Variants in RDH12 observed in about 807,000 individuals in gnomAD.
The protein encoded by RDH12 is all-trans and 9-cis retinol dehydrogenase.
RDH12 carries 21 observed loss-of-function variants against 34.0 expected under a neutral mutation model. The ratio of observed to expected loss-of-function variants is 0.62; its 90% CI spans 0.44 to 0.89. RDH12 has a LOEUF of 0.89. Ranked by LOEUF, RDH12 falls within the 40% of genes least tolerant of loss-of-function variation. The pLI is 0.00. For missense variants in RDH12, 394 were observed against 398.6 expected, an observed-to-expected ratio of 0.99 and a Z score of 0.10; for synonymous variants, 198 against 169.9, an observed-to-expected ratio of 1.17 and a Z score of -1.29.
intron 1 of RDH12, among the ~76,000 whole-genome samples, chr14:67,705,054 A>T (rs992398553): frequency 1.3e-5 from 2 of 152,228 alleles, no homozygotes; most frequent in Non-Finnish European, 2.9e-5. Flanking sequence ...AAGGCTGTTG[A>T]GGCAGAAATA....
chr14:67,733,434 T>C (rs2038311532), intron 8 of RDH12, among the ~76,000 whole-genome samples: 1 of 152,220 alleles, frequency 6.6e-6, no homozygotes, highest in Non-Finnish European at 1.5e-5. Flanking sequence ...TTATAAATAT[T>C]TTTATATCAC....
chr14:67,716,169 C>T (rs952058157), intron 1 of RDH12, among the ~76,000 whole-genome samples: 5 of 151,040 alleles, frequency 3.3e-5, no homozygotes, highest in African/African-American at 7.3e-5. Context: ...TGCACTCCAG[C>T]CTGGACGACA....
intron 3 of RDH12, among the ~76,000 whole-genome samples, chr14:67,724,122 G>C (rs1234317290): frequency 6.6e-6 from 1 of 152,208 alleles, no homozygotes. Context: ...TTGAATGTAG[G>C]TTAGAGGGGA....
At chr14:67,718,573 C>A (rs550172989) in intron 1 of RDH12, among the ~76,000 whole-genome samples, 1 of 152,200 alleles carries the variant, frequency 6.6e-6, no homozygotes, top group Non-Finnish European at 1.5e-5. Context: ...GATTCACTCA[C>A]GGTGAGGCTA....
At chr14:67,704,611 A>G (rs2037932723) in intron 1 of RDH12, among the ~76,000 whole-genome samples, 2 of 152,180 alleles carry the variant, frequency 1.3e-5, no homozygotes, top group South Asian at 2.1e-4. Context: ...TGCACTTCCC[A>G]TTTTAGCTTT....
intron 1 of RDH12, among the ~76,000 whole-genome samples, chr14:67,708,334 T>G (rs761636304): frequency 2.6e-5 from 4 of 152,202 alleles, no homozygotes; most frequent in Non-Finnish European, 5.9e-5. Flanking sequence ...TCGTGAACAC[T>G]TCAGCTCTCC....
Position 67,725,260 on chromosome 14 carries a change from G to A in RDH12, c.343+6G>A, listed in dbSNP as rs776478063. 6.2e-7 allele frequency: 1 copy of A among 1,612,740 alleles called. No homozygotes were observed. The highest frequency in any genetic ancestry group is 1.1e-5 in the South Asian group (1 of 91,004). The stretch of plus-strand genomic sequence containing the variant: ...TGCTGAGGGCTTTCTGGCAGGTGAG[G>A]TCCTGATGGGTAGGTAGAAAAGCAG... On this transcript the variant is annotated splice_donor_region_variant and intron_variant, in intron 5 of 8. Coordinates refer to ENST00000551171, the MANE Select transcript of RDH12 (RefSeq NM_152443.3).
intron 8 of RDH12, among the ~76,000 whole-genome samples, chr14:67,733,382 G>A (rs1435760999): frequency 1.3e-5 from 2 of 152,078 alleles, no homozygotes; most frequent in Non-Finnish European, 2.9e-5. Context: ...GCACTGAACT[G>A]TAGTAGTAGT....
rs373032226 is a variant in RDH12 at position 67,727,062 on chromosome 14, C to T, written c.530C>T (p.Ala177Val). 2.5e-5 allele frequency: 41 copies of T among 1,614,082 alleles called. No individual in the cohort carries two copies. The East Asian group carries it at 5.8e-4, about 23-fold the overall frequency. ...CGGGTGGTTAATGTGTCCTCGGTGG[C>T]TCACCACATTGGCAAGATTCCCTTC... ...PARVVNVSSV[A>V]HHIGKIPFHD... The change falls in exon 7 of 9, where the codon GCT (alanine) becomes GTT (valine). Residue 177 changes from alanine to valine, a missense_variant. By Grantham distance (64) the Ala-to-Val change is moderately conservative. Coordinates refer to ENST00000551171, the MANE Select transcript of RDH12 (RefSeq NM_152443.3).
intron 4 of RDH12, 72 bp downstream of exon 4, chr14:67,724,663 A>G: frequency 8.6e-7 from 1 of 1,167,716 alleles, no homozygotes; most frequent in Non-Finnish European, 1.3e-6. Flanking sequence ...CTCTGTCCAT[A>G]TTGCTTTGTG....
At position 67,725,991 on chromosome 14, in the gene RDH12, G is replaced by A. The variant is rs560112674; in HGVS notation, c.344-60G>A. On this transcript the variant is annotated intron_variant, in intron 5 of 8. Coordinates refer to ENST00000551171, the MANE Select transcript of RDH12 (RefSeq NM_152443.3). ...AGGGAAAGGGCAATTATGCAGGTCT[G>A]TTACAGGCAGCTAGGGGACTCCTTG... is the stretch of plus-strand genomic sequence containing the variant. The A allele has an allele frequency of 7.4e-5, 85 of 1,146,556 alleles. 3 individuals carry two copies. The South Asian group carries it at 9.9e-4, about 13-fold the overall frequency. 71.0% of individuals were successfully genotyped at this position (1,146,556 alleles called of 1,614,324 possible).
intron 8 of RDH12, 116 bp downstream of exon 8, chr14:67,729,496 G>C: frequency 9.9e-7 from 1 of 1,008,394 alleles, no homozygotes; most frequent in Non-Finnish European, 1.5e-6. Context: ...TCCAGGTTTG[G>C]GTTGGGCCTG....
chr14:67,708,717 T>G (rs1053552019), intron 1 of RDH12, among the ~76,000 whole-genome samples: 18 of 152,048 alleles, frequency 1.2e-4, no homozygotes, highest in Admixed American at 6.5e-4. Flanking sequence ...CATATTTGAC[T>G]ATGCTTCCTG....
intron 1 of RDH12, among the ~76,000 whole-genome samples, chr14:67,703,159 A>G (rs2037918128): frequency 6.6e-6 from 1 of 152,168 alleles, no homozygotes; most frequent in Non-Finnish European, 1.5e-5. Flanking sequence ...ATGAGATAGT[A>G]ATACAAACTC....
chr14:67,725,291 T>C (rs2140142520), intron 5 of RDH12, 37 bp downstream of exon 5: 1 of 1,609,724 alleles, frequency 6.2e-7, no homozygotes, highest in East Asian at 2.2e-5. Flanking sequence ...AGCAGGAAAT[T>C]GGGTATGGGA....
chr14:67,712,426 G>A (rs2038018766), intron 1 of RDH12, among the ~76,000 whole-genome samples: 4 of 146,616 alleles, frequency 2.7e-5, no homozygotes, highest in East Asian at 4.0e-4. Context: ...AAATCCCAGA[G>A]TGGCCTCTGT....
At chr14:67,715,855 G>A (rs2038062394) in intron 1 of RDH12, among the ~76,000 whole-genome samples, 1 of 152,144 alleles carries the variant, frequency 6.6e-6, no homozygotes. Flanking sequence ...TGTGCTGGGG[G>A]AACACAAATG....
chr14:67,731,259 G>T, intron 8 of RDH12, among the ~76,000 whole-genome samples: 1 of 138,630 alleles, frequency 7.2e-6, no homozygotes, highest in African/African-American at 2.7e-5. Flanking sequence ...CTGTTGCCCA[G>T]GCTGGAGTGC....
In RDH12 at chr14:67,710,592, CA is replaced by C. The variant is rs981969492; in HGVS notation, c.-275+8665del. 4.6e-5 allele frequency among the ~76,000 whole-genome samples: 7 copies of C among 151,638 alleles called. No individual in the cohort carries two copies. In the South Asian group the frequency reaches 6.2e-4, roughly 13 times the overall value. ...AATTATTTCTCTTTAAGCTTTCTTA[CA>C]AAAAAAATCTTTATTTTTATAACTT... On this transcript the variant is annotated intron_variant, in intron 1 of 8. Coordinates refer to ENST00000551171, the MANE Select transcript of RDH12 (RefSeq NM_152443.3).
Sources: allele counts gnomAD v4.1 joint callset (sites outside exome capture counted in the v4.1 genomes callset), GRCh38; gene constraint gnomAD v4.1.1; transcripts MANE v1.5; gene names NCBI Gene and HGNC (gene_info 2026-07-23, HGNC 2026-07-21).